The following CDH13 variants were observed in gnomAD, a reference collection of about 807,000 sequenced individuals.
CDH13 encodes the protein cadherin-13.
Under a neutral mutation model 63.8 loss-of-function variants are expected in CDH13, and 24 were observed. The ratio of observed to expected loss-of-function variants is 0.38; its 90% CI spans 0.27 to 0.53. CDH13 has a LOEUF of 0.53. Ranked by LOEUF, CDH13 falls within the 20% of genes least tolerant of loss-of-function variation. The pLI is 0.85. For missense variants in CDH13, 1,049 were observed against 903.1 expected, an observed-to-expected ratio of 1.16 and a Z score of -2.07; for synonymous variants, 503 against 355.3, an observed-to-expected ratio of 1.42 and a Z score of -4.67.
chr16:83,343,029 C>T (rs895229083), intron 5 of CDH13, among the ~76,000 whole-genome samples: 2 of 151,956 alleles, frequency 1.3e-5, no homozygotes, highest in African/African-American at 4.8e-5. Flanking sequence ...ATTTCACTCT[C>T]TGTGAGATCT....
chr16:83,765,257 A>G (rs975886991), intron 11 of CDH13, among the ~76,000 whole-genome samples: 16 of 152,194 alleles, frequency 1.1e-4, no homozygotes, highest in Admixed American at 7.2e-4. Context: ...CTGAATGAAT[A>G]AAATGAAACT....
At chr16:83,073,348 TGTGTGTGAGAGAGAGAGA>T (rs2032586246) in intron 3 of CDH13, among the ~76,000 whole-genome samples, 1 of 125,826 alleles carries the variant, frequency 7.9e-6, no homozygotes, top group African/African-American at 3.4e-5. Flanking sequence ...TGTGTGTGTG[TGTGTGTGAGAGAGAGAGA>T]GAGAGAGAGA....
At chr16:83,423,276 G>C (rs181698586) in intron 6 of CDH13, among the ~76,000 whole-genome samples, 3 of 152,090 alleles carry the variant, frequency 2.0e-5, no homozygotes, top group African/African-American at 7.2e-5. Flanking sequence ...ACTCACCCAA[G>C]AGACCATCTT....
At chr16:83,250,182 C>A (rs1354898725) in intron 5 of CDH13, among the ~76,000 whole-genome samples, 1 of 152,052 alleles carries the variant, frequency 6.6e-6, no homozygotes. Context: ...TGTTTATAAA[C>A]CTGAATAAAT....
chr16:83,161,127 A>G (rs4528557), intron 4 of CDH13, among the ~76,000 whole-genome samples: 71,140 of 151,950 alleles, frequency 0.47, 18,621 homozygotes, highest in African/African-American at 0.72. Flanking sequence ...AATTTTTGAT[A>G]TCATTTGTTC....
chr16:83,026,861 G>C (rs547945184), intron 2 of CDH13, among the ~76,000 whole-genome samples: 2 of 152,048 alleles, frequency 1.3e-5, no homozygotes, highest in African/African-American at 4.8e-5. Context: ...GGCATCTTTG[G>C]GACAGATAAG....
At chr16:83,143,523 A>G (rs1046308081) in intron 4 of CDH13, among the ~76,000 whole-genome samples, 3 of 152,334 alleles carry the variant, frequency 2.0e-5, no homozygotes, top group South Asian at 2.1e-4. Context: ...TATTTTGACA[A>G]TGTGAACTAC....
intron 5 of CDH13, among the ~76,000 whole-genome samples, chr16:83,263,487 A>C (rs1051274183): frequency 2.0e-4 from 30 of 152,218 alleles, no homozygotes; most frequent in African/African-American, 6.8e-4. Context: ...AACTCAGATC[A>C]TTAAAGGACA....
chr16:82,740,694 C>G (rs1320285776), intron 1 of CDH13, among the ~76,000 whole-genome samples: 1 of 152,150 alleles, frequency 6.6e-6, no homozygotes, highest in Non-Finnish European at 1.5e-5. Context: ...CTGATGGAGA[C>G]TGAAAGTTTC....
intron 2 of CDH13, among the ~76,000 whole-genome samples, chr16:82,861,596 T>C (rs952554867): frequency 6.6e-6 from 1 of 152,180 alleles, no homozygotes. Flanking sequence ...TTTCAATGAC[T>C]TATCTTTTTC....
chr16:82,845,143 C>A (rs1463564231), intron 1 of CDH13, among the ~76,000 whole-genome samples: 1 of 152,004 alleles, frequency 6.6e-6, no homozygotes, highest in Non-Finnish European at 1.5e-5. Flanking sequence ...GAGAGAGAAC[C>A]AATATATTAA....
chr16:83,548,030 A>AT (rs2075420513), intron 7 of CDH13, among the ~76,000 whole-genome samples: 1 of 152,056 alleles, frequency 6.6e-6, no homozygotes, highest in African/African-American at 2.4e-5. Context: ...TGGGGAGATG[A>AT]TATATGCAGA....
intron 1 of CDH13, among the ~76,000 whole-genome samples, chr16:82,822,458 G>A (rs978711425): frequency 1.2e-4 from 19 of 152,146 alleles, no homozygotes; most frequent in African/African-American, 4.3e-4. Context: ...ATAAAAGTTA[G>A]GTTAAATCAT....
chr16:82,717,605 C>T (rs552446187), intron 1 of CDH13, among the ~76,000 whole-genome samples: 88 of 152,278 alleles, frequency 5.8e-4, no homozygotes, highest in Non-Finnish European at 1.0e-3. Context: ...CTTATAGCCA[C>T]ATCAGTCTAG....
At chr16:83,295,559 G>T (rs2089571712) in intron 5 of CDH13, among the ~76,000 whole-genome samples, 1 of 152,046 alleles carries the variant, frequency 6.6e-6, no homozygotes, top group Admixed American at 6.6e-5. Flanking sequence ...AAAATGGCCA[G>T]CAGGCATATT....
intron 2 of CDH13, among the ~76,000 whole-genome samples, chr16:82,874,927 G>C (rs978382959): frequency 6.6e-6 from 1 of 152,188 alleles, no homozygotes; most frequent in Non-Finnish European, 1.5e-5. Flanking sequence ...ATACTCATGG[G>C]GATGTGTGGC....
intron 11 of CDH13, among the ~76,000 whole-genome samples, chr16:83,768,001 T>G (rs1350076476): frequency 6.6e-6 from 1 of 152,088 alleles, no homozygotes; most frequent in African/African-American, 2.4e-5. Context: ...TAAAGTAGAA[T>G]TAGAAAAAAA....
At chr16:83,400,316 G>C (rs1360795299) in intron 6 of CDH13, among the ~76,000 whole-genome samples, 5 of 152,108 alleles carry the variant, frequency 3.3e-5, no homozygotes, top group African/African-American at 1.2e-4. Flanking sequence ...CAAGTGTTTG[G>C]CTTTCTGGTG....
chr16:82,858,601 T>C (rs2039801586), intron 2 of CDH13, 128 bp downstream of exon 2: 2 of 745,420 alleles, frequency 2.7e-6, no homozygotes, highest in East Asian at 5.4e-5. Context: ...CTTATGTCAC[T>C]GCTTGACCCA....
Sources: gnomAD v4.1 joint callset for allele counts (sites outside exome capture counted in the v4.1 genomes callset) on GRCh38, gnomAD v4.1.1 for gene constraint, MANE v1.5 for transcripts, NCBI Gene and HGNC (gene_info 2026-07-23, HGNC 2026-07-21) for gene names.